INKA2: variants seen among roughly 807,000 people sequenced by gnomAD.
The protein encoded by INKA2 is PAK4-inhibitor INKA2.
Under a neutral mutation model 9.8 loss-of-function variants are expected in INKA2, and 3 were observed. That is an observed-to-expected ratio of 0.31 (90% CI 0.14 to 0.79). INKA2 has a LOEUF of 0.79. Ranked by LOEUF, INKA2 falls within the 30% of genes least tolerant of loss-of-function variation. The probability of loss-of-function intolerance (pLI) is 0.62; values close to 1 mark genes in which losing one functional copy is unlikely to be tolerated. For synonymous variants in INKA2, 147 were observed against 143.3 expected (o/e 1.03, Z -0.18); for missense variants, 392 against 384.4 (o/e 1.02, Z -0.17).
At chr1:111,735,363 T>C (rs1186568822) in intron 1 of INKA2, among the ~76,000 whole-genome samples, 1 of 152,240 alleles carries the variant, frequency 6.6e-6, no homozygotes, top group Non-Finnish European at 1.5e-5. Flanking sequence ...CATCTGACAC[T>C]GTGCTATGTG....
At chr1:111,732,967 A>G (rs72692508) in intron 1 of INKA2, among the ~76,000 whole-genome samples, 4,931 of 151,974 alleles carry the variant, frequency 0.032, 125 homozygotes, top group Non-Finnish European at 0.048. Context: ...TCAGACGACA[A>G]CTCCTGGTGT....
chr1:111,739,513 G>A (rs45587734), upstream of INKA2: 42,983 of 1,149,352 alleles, frequency 0.037, 955 homozygotes, highest in Non-Finnish European at 0.042. Flanking sequence ...CGGGAGGCCG[G>A]GCTGGGCGGC....
chr1:111,748,155 G>T (rs770675866), intron 1 of INKA2, among the ~76,000 whole-genome samples: 3 of 152,208 alleles, frequency 2.0e-5, no homozygotes, highest in Non-Finnish European at 4.4e-5. Context: ...GGCTAGTTGC[G>T]AATTAGCATT....
At chr1:111,746,316 T>G (rs756336277) in intron 1 of INKA2, 1 of 152,230 alleles carries the variant, frequency 6.6e-6, no homozygotes, top group African/African-American at 2.4e-5. Flanking sequence ...GGCCAAGAAA[T>G]GCTGCCGCCG....
chr1:111,726,698 C>G lies in INKA2; in HGVS notation c.*270G>C. 1 of 476,988 alleles carries G rather than the reference C, an allele frequency of 2.1e-6. No homozygotes were observed. Among genetic ancestry groups the G allele is most frequent in the Non-Finnish European group, 3.7e-6 (1 of 267,414 alleles). 29.5% of individuals were successfully genotyped at this position (476,988 alleles called of 1,614,324 possible). A position where few individuals can be genotyped will look rare whatever the true frequency, so the allele number is the denominator to read the frequency against. On this transcript the variant is annotated 3_prime_UTR_variant, in exon 2 of 2. Transcript: ENST00000357260. Reference sequence around the variant, plus strand: ...CCAAAGTGAGTGCATGCATGCCAGACAGACACACACATGCACACACACACA... The same window carrying G: ...CCAAAGTGAGTGCATGCATGCCAGAGAGACACACACATGCACACACACACA...
At chr1:111,736,970 G>T (rs1325076318) in intron 1 of INKA2, among the ~76,000 whole-genome samples, 1 of 152,196 alleles carries the variant, frequency 6.6e-6, no homozygotes, top group African/African-American at 2.4e-5. Flanking sequence ...TGAGGTGTCA[G>T]GGAGTGAGTG....
At chr1:111,743,222 T>G (rs912223223), upstream of INKA2, among the ~76,000 whole-genome samples, 10 of 152,092 alleles carry the variant, frequency 6.6e-5, no homozygotes, top group Non-Finnish European at 1.5e-4. Flanking sequence ...GGAGGAAGGA[T>G]GAGGTTATCT....
rs1445338333 is a variant in INKA2, at chr1:111,727,643, C to T, written c.219G>A (p.Gln73=). 6.2e-7 allele frequency: 1 copy of T among 1,608,466 alleles called. No homozygotes were observed. The highest frequency in any genetic ancestry group is 1.7e-5 in the Admixed American group (1 of 59,608). Residue 73 remains glutamine, a synonymous_variant, in exon 2 of 2, where the codon CAG becomes CAA. Transcript: ENST00000357260. ...VPGSPEGPRT[Q]CEHPCWEGGR... Reference sequence around the variant, plus strand: ...CACCCTCCCAACAAGGGTGCTCGCACTGGGTCCTGGGACCTTCAGGGCTGC... The same window carrying T: ...CACCCTCCCAACAAGGGTGCTCGCATTGGGTCCTGGGACCTTCAGGGCTGC...
At chr1:111,750,162 G>A (rs1663374167) in intron 1 of INKA2, among the ~76,000 whole-genome samples, 1 of 152,226 alleles carries the variant, frequency 6.6e-6, no homozygotes, top group Non-Finnish European at 1.5e-5. Flanking sequence ...CTTGTGCAGA[G>A]AGGAATCTGG....
In INKA2 at chr1:111,727,047, T is replaced by C. The variant is rs775894139; in HGVS notation, c.815A>G (p.Glu272Gly). The change falls in exon 2 of 2, where the codon GAG (glutamate) becomes GGG (glycine). Residue 272 changes from glutamate to glycine, a missense_variant. By Grantham distance (98) the Glu-to-Gly change is moderately conservative. Coordinates refer to ENST00000357260, the MANE Select transcript of INKA2 (RefSeq NM_019099.5). ...FPGTGEHRRG[E>G]NPPTSCPKAL... ...CTTGGGGCAGCTTGTGGGGGGATTC[T>C]CCCCTCGCCTGTGCTCCCCGGTGCC... is the stretch of plus-strand genomic sequence containing the variant. 6 of 1,614,048 alleles carry C rather than the reference T, an allele frequency of 3.7e-6. No individual in the cohort carries two copies. In the East Asian group the frequency reaches 1.3e-4, roughly 36 times the overall value.
chr1:111,723,428 C>CCAGGTCAGGAGTTCAAG lies in INKA2; in HGVS notation c.*3539_*3540insCTTGAACTCCTGACCTG, dbSNP rs1662694160. The CCAGGTCAGGAGTTCAAG allele has an allele frequency of 1.1e-5, 3 of 262,952 alleles. No individual in the cohort carries two copies. Among genetic ancestry groups the CCAGGTCAGGAGTTCAAG allele is most frequent in the Non-Finnish European group, 1.9e-5 (3 of 156,380 alleles). The allele number at this position is 262,952 out of a possible 1,614,324, so 16.3% of individuals were successfully genotyped here. ...GGGAGGAGGGAGACCAGGCCGGCCC[C>CCAGGTCAGGAGTTCAAG]ACTAGCATGCCCAGCAGGGACTCTT... On this transcript the variant is annotated 3_prime_UTR_variant, in exon 2 of 2. Coordinates refer to ENST00000357260, the MANE Select transcript of INKA2 (RefSeq NM_019099.5).
chr1:111,722,141 A>C lies in INKA2; in HGVS notation c.*4827T>G, dbSNP rs1662662454. On this transcript the variant is annotated 3_prime_UTR_variant, in exon 2 of 2. Transcript: ENST00000357260. ...AGGCAAGGGACATCCTAGTAATCGT[A>C]CTAAGGGGATGGCTGCAGTTTGAGC... 6.6e-6 allele frequency: 1 copy of C among 152,400 alleles called. No individual in the cohort carries two copies. The highest frequency in any genetic ancestry group is 2.1e-4 in the South Asian group (1 of 4,818). 9.4% of individuals were successfully genotyped at this position (152,400 alleles called of 1,614,324 possible).
intron 1 of INKA2, among the ~76,000 whole-genome samples, chr1:111,729,813 CCCCTGCCAA>C (rs1406523719): frequency 6.6e-6 from 1 of 152,260 alleles, no homozygotes; most frequent in Non-Finnish European, 1.5e-5. Context: ...TCAAATCCTC[CCCCTGCCAA>C]CCCTGGCCCT....
chr1:111,729,374 C>T (rs78089428), intron 1 of INKA2, among the ~76,000 whole-genome samples: 187 of 152,320 alleles, frequency 1.2e-3, no homozygotes, highest in African/African-American at 4.2e-3. Context: ...TTGGCTCTGC[C>T]GCCCCGGCCA....
At position 111,722,800 on chromosome 1, in the gene INKA2, CG is replaced by C. The variant is rs1199162144; in HGVS notation, c.*4167del. Reference sequence around the variant, plus strand: ...ATGTTTCGACAGAAGAAGAGACCAACGCTCAGAGAAAGCACTTTTTCTTAAG... The same window carrying C: ...ATGTTTCGACAGAAGAAGAGACCAACCTCAGAGAAAGCACTTTTTCTTAAG... On this transcript the variant is annotated 3_prime_UTR_variant, in exon 2 of 2. Transcript: ENST00000357260. The C allele has an allele frequency of 3.3e-5, 14 of 423,774 alleles. No individual in the cohort carries two copies. Among genetic ancestry groups the C allele is most frequent in the African/African-American group, 2.3e-4 (11 of 48,166 alleles). The allele number at this position is 423,774 out of a possible 1,614,324, so 26.3% of individuals were successfully genotyped here. A position where few individuals can be genotyped will look rare whatever the true frequency, so the allele number is the denominator to read the frequency against.
At chr1:111,734,827 C>T (rs12724266) in intron 1 of INKA2, among the ~76,000 whole-genome samples, 5,472 of 152,336 alleles carry the variant, frequency 0.036, 135 homozygotes, top group East Asian at 0.079. Context: ...TTTCTCCAAT[C>T]TCCCAGCTGG....
At chr1:111,729,223 A>T (rs1436361870) in intron 1 of INKA2, among the ~76,000 whole-genome samples, 6 of 152,238 alleles carry the variant, frequency 3.9e-5, no homozygotes, top group Non-Finnish European at 8.8e-5. Context: ...CTGACTGGTC[A>T]GAAGGGAGAC....
At chr1:111,734,647 A>G (rs1471330354) in intron 1 of INKA2, among the ~76,000 whole-genome samples, 1 of 152,130 alleles carries the variant, frequency 6.6e-6, no homozygotes, top group Non-Finnish European at 1.5e-5. Flanking sequence ...ATTTTACCCT[A>G]TGCTCTAGGC....
intron 1 of INKA2, among the ~76,000 whole-genome samples, chr1:111,733,121 T>C (rs1340271263): frequency 2.6e-5 from 4 of 152,154 alleles, no homozygotes; most frequent in African/African-American, 9.7e-5. Flanking sequence ...TTTCCCAGCA[T>C]TCCTCCCCAG....
Sources: gnomAD v4.1 joint callset for allele counts (sites outside exome capture counted in the v4.1 genomes callset) on GRCh38, gnomAD v4.1.1 for gene constraint, MANE v1.5 for transcripts, NCBI Gene and HGNC (gene_info 2026-07-23, HGNC 2026-07-21) for gene names.